ACVRL1: variants seen among roughly 807,000 people sequenced by gnomAD.
ACVRL1 encodes the protein activin A receptor like type 1, also known as activin receptor type-1-like.
Under a neutral mutation model 51.9 loss-of-function variants are expected in ACVRL1, and 20 were observed. The ratio of observed to expected loss-of-function variants is 0.39; its 90% CI spans 0.27 to 0.56. The LOEUF is 0.56. ACVRL1 is among the 20% of genes least tolerant of loss of function. ACVRL1 has a pLI of 0.67. For synonymous variants in ACVRL1, 288 were observed against 280.9 expected (o/e 1.03, Z -0.25); for missense variants, 451 against 670.3 (o/e 0.67, Z 3.61).
intron 9 of ACVRL1, among the ~76,000 whole-genome samples, chr12:51,920,555 C>T (rs1379633156): frequency 2.6e-5 from 4 of 151,916 alleles, no homozygotes; most frequent in Non-Finnish European, 5.9e-5. Flanking sequence ...ACTTGTCTTT[C>T]CTCTCGCTCT....
In ACVRL1 at chr12:51,920,942, G is replaced by GGGGGGGGGGGGGGGGGGGGGGCC; in HGVS notation, c.*52_*53insGGGGGGGGGGGGGGGGGGCCGGG. The GGGGGGGGGGGGGGGGGGGGGGCC allele has an allele frequency of 1.6e-6, 1 of 629,032 alleles. No individual in the cohort carries two copies. The highest frequency in any genetic ancestry group is 2.9e-6 in the Non-Finnish European group (1 of 341,648). 39.0% of individuals were successfully genotyped at this position (629,032 alleles called of 1,614,324 possible). A position where few individuals can be genotyped will look rare whatever the true frequency, so the allele number is the denominator to read the frequency against. On this transcript the variant is annotated 3_prime_UTR_variant, in exon 10 of 10. Transcript: ENST00000388922. Reference sequence around the variant, plus strand: ...TGCCTGCAGGGGGCTGGGGGGGTGGGGGGCAGTGGATGGTGCCCTATCTGG... The same window carrying GGGGGGGGGGGGGGGGGGGGGGCC: ...TGCCTGCAGGGGGCTGGGGGGGTGGGGGGGGGGGGGGGGGGGGGGGGCCGGGCAGTGGATGGTGCCCTATCTGG...
chr12:51,916,016 G>T lies in ACVRL1; in HGVS notation c.1049-20G>T. On this transcript the variant is annotated intron_variant, in intron 7 of 9. Transcript: ENST00000388922. ...CCAGGTTTGGGAGAGGGGCAGGAGT[G>T]ACAGGCCTCACCCCCACAGGCCTGG... 1.2e-6 allele frequency: 2 copies of T among 1,608,050 alleles called. No homozygotes were observed. The highest frequency in any genetic ancestry group is 2.2e-5 in the South Asian group (2 of 90,700).
At chr12:51,912,330 G>C in intron 1 of ACVRL1, 140 bp from the exon 2 acceptor site, 2 of 891,310 alleles carry the variant, frequency 2.2e-6, no homozygotes, top group Non-Finnish European at 1.8e-6. Context: ...CCCAAAGCCA[G>C]GCGGCAGGGA....
At chr12:51,913,017 G>A in intron 2 of ACVRL1, 82 bp from the exon 3 acceptor site, 1 of 1,548,718 alleles carries the variant, frequency 6.5e-7, no homozygotes, top group Non-Finnish European at 8.7e-7. Flanking sequence ...CAGACGAGAG[G>A]GACAGTAGGA....
At chr12:51,908,994 T>A (rs1940643795) in intron 1 of ACVRL1, among the ~76,000 whole-genome samples, 2 of 152,114 alleles carry the variant, frequency 1.3e-5, no homozygotes, top group South Asian at 4.1e-4. Flanking sequence ...GGATGAATCG[T>A]AAGGGCAACC....
intron 1 of ACVRL1, among the ~76,000 whole-genome samples, chr12:51,910,185 C>T (rs1049787935): frequency 6.6e-6 from 1 of 152,180 alleles, no homozygotes; most frequent in Non-Finnish European, 1.5e-5. Context: ...CAGACAGCCT[C>T]GCTCCACAGT....
In ACVRL1 at chr12:51,919,016, T is replaced by C. The variant is rs1242869609; in HGVS notation, c.1278T>C (p.Tyr426=). Residue 426 remains tyrosine, a synonymous_variant, in exon 9 of 10, where the codon TAT becomes TAC. Coordinates refer to ENST00000388922, the MANE Select transcript of ACVRL1 (RefSeq NM_000020.3). ...TGGAGGACTATAGACCACCCTTCTA[T>C]GATGTGGTGCCCAATGACCCCAGCT... ...GIVEDYRPPF[Y]DVVPNDPSFE... is the part of the protein sequence containing the mutation. 1 of 1,614,176 alleles carries C rather than the reference T, an allele frequency of 6.2e-7. No individual in the cohort carries two copies. The highest frequency in any genetic ancestry group is 1.3e-5 in the African/African-American group (1 of 75,044).
chr12:51,919,831 AACAT>A (rs1392980591), intron 9 of ACVRL1, among the ~76,000 whole-genome samples: 3 of 152,196 alleles, frequency 2.0e-5, no homozygotes, highest in Admixed American at 2.0e-4. Flanking sequence ...TATCCTTCTG[AACAT>A]ACACTCACAG....
chr12:51,914,608 C>T (rs376139463), intron 6 of ACVRL1, 23 bp downstream of exon 6: 178 of 1,603,926 alleles, frequency 1.1e-4, no homozygotes, highest in Middle Eastern at 1.6e-4. Context: ...GCCAGCTGTG[C>T]CAGGCCTGGG....
chr12:51,915,955 T>C (rs1483423287), intron 7 of ACVRL1, 81 bp from the exon 8 acceptor site: 16 of 1,494,532 alleles, frequency 1.1e-5, no homozygotes, highest in Non-Finnish European at 1.2e-5. Context: ...TGTCCCACTG[T>C]TTCTCTCAGT....
Position 51,916,025 on chromosome 12 carries a change from C to T in ACVRL1, c.1049-11C>T. The stretch of plus-strand genomic sequence containing the variant: ...GGAGAGGGGCAGGAGTGACAGGCCT[C>T]ACCCCCACAGGCCTGGCTGTGATGC... On this transcript the variant is annotated splice_polypyrimidine_tract_variant and intron_variant, in intron 7 of 9. Transcript: ENST00000388922. The T allele has an allele frequency of 6.2e-7, 1 of 1,610,430 alleles. No individual in the cohort carries two copies.
intron 5 of ACVRL1, 104 bp from the exon 6 acceptor site, chr12:51,914,335 G>A: frequency 6.5e-7 from 1 of 1,527,794 alleles, no homozygotes; most frequent in South Asian, 1.2e-5. Context: ...CTGGGGTTCT[G>A]TGGGTGGGGT....
Position 51,916,210 on chromosome 12 carries a change from T to C in ACVRL1, c.1223T>C (p.Ile408Thr), listed in dbSNP as rs1282506677. 6.2e-7 allele frequency: 1 copy of C among 1,614,114 alleles called. No individual in the cohort carries two copies. Among genetic ancestry groups the C allele is most frequent in the South Asian group, 1.1e-5 (1 of 91,080 alleles). The change falls in exon 8 of 10, where the codon ATT (isoleucine) becomes ACT (threonine). Residue 408 changes from isoleucine to threonine, a missense_variant. Around this residue, in one of 2 missense-constraint regions of ACVRL1, gnomAD observed 259 missense variants for 453.4 expected, o/e 0.57. Transcript: ENST00000388922. ...GCCTTTGGCCTGGTGCTGTGGGAGA[T>C]TGCCCGCCGGACCATCGTGAATGGT... ...IWAFGLVLWE[I>T]ARRTIVNGIV...
At position 51,915,274 on chromosome 12, in the gene ACVRL1, G is replaced by A. The variant is rs757645341; in HGVS notation, c.822G>A (p.Trp274Ter). The change falls in exon 7 of 10, where the codon TGG becomes TGA. Residue 274 changes from tryptophan (W) to a stop codon, truncating the protein, a stop_gained. Transcript: ENST00000388922. LOFTEE classifies it high-confidence loss of function. ...MTSRNSSTQL[W>*]LITHYHEHGS... ...CCCGCAACTCGAGCACGCAGCTGTG[G>A]CTCATCACGCACTACCACGAGCACG... 2 of 1,614,182 alleles carry A rather than the reference G, an allele frequency of 1.2e-6. No homozygotes were observed. Among genetic ancestry groups the A allele is most frequent in the Non-Finnish European group, 1.7e-6 (2 of 1,180,054 alleles).
intron 9 of ACVRL1, 66 bp from the exon 10 acceptor site, chr12:51,920,693 C>T (rs1940952652): frequency 1.3e-6 from 2 of 1,581,004 alleles, no homozygotes; most frequent in Non-Finnish European, 1.7e-6. Flanking sequence ...TCTCTCCCGA[C>T]CCCCTCCTCT....
rs764535961 is a variant in ACVRL1 at position 51,915,361 on chromosome 12, T to C, written c.909T>C (p.Ala303=). The part of the protein sequence containing the change: ...TLEPHLALRL[A]VSAACGLAHL... ...AGCCCCATCTGGCTCTGAGGCTAGC[T>C]GTGTCCGCGGCATGCGGCCTGGCGC... The change falls in exon 7 of 10, where the codon GCT becomes GCC. Residue 303 remains alanine (A), a synonymous_variant. Transcript: ENST00000388922. 1 of 1,614,132 alleles carries C rather than the reference T, an allele frequency of 6.2e-7. No homozygotes were observed. Among genetic ancestry groups the C allele is most frequent in the Non-Finnish European group, 8.5e-7 (1 of 1,180,054 alleles).
chr12:51,914,581 C>T lies in ACVRL1; in HGVS notation c.768C>T (p.Ile256=), dbSNP rs1940785621. The change falls in exon 6 of 10, where the codon ATC becomes ATT. Residue 256 remains isoleucine, a synonymous_variant. Transcript: ENST00000388922. ...YNTVLLRHDN[I]LGFIASDMTS... is the part of the protein sequence containing the mutation. ...CAGTGTTGCTCAGACACGACAACAT[C>T]CTAGGCAAGGGGAGAGGCCAGCTGT... 1 of 1,612,580 alleles carries T rather than the reference C, an allele frequency of 6.2e-7. No individual in the cohort carries two copies. Among genetic ancestry groups the T allele is most frequent in the Non-Finnish European group, 8.5e-7 (1 of 1,179,268 alleles).
intron 1 of ACVRL1, among the ~76,000 whole-genome samples, chr12:51,909,817 T>C (rs150241836): frequency 3.1e-4 from 47 of 152,252 alleles, no homozygotes; most frequent in African/African-American, 1.1e-3. Flanking sequence ...ACTTAGCACA[T>C]AATTAGTACT....
chr12:51,907,313 G>C (rs1343986969), upstream of ACVRL1: 1 of 152,090 alleles, frequency 6.6e-6, no homozygotes, highest in African/African-American at 2.4e-5. This position sits in a 1 kb window ranked among gnomAD's most constrained non-coding sequence, Gnocchi z 4.5. Flanking sequence ...GCGGGCGGCT[G>C]GGAGGGGAGG....
Sources: gnomAD v4.1 joint callset for allele counts (sites outside exome capture counted in the v4.1 genomes callset) on GRCh38, gnomAD v4.1.1 for gene constraint, gnomAD v4.1.1 regional missense constraint, Gnocchi (gnomAD v3.1) non-coding constraint, MANE v1.5 for transcripts, NCBI Gene and HGNC (gene_info 2026-07-23, HGNC 2026-07-21) for gene names.